The following GALNTL5 variants were observed in gnomAD, a reference collection of about 807,000 sequenced individuals.
The protein encoded by GALNTL5 is polypeptide N-acetylgalactosaminyltransferase like 5.
In GALNTL5, 44 loss-of-function variants were observed where a neutral mutation model predicts 51.0. That is an observed-to-expected ratio of 0.86 (90% CI 0.68 to 1.11). GALNTL5 has a LOEUF of 1.11. Ranked by LOEUF, GALNTL5 falls within the 50% of genes least tolerant of loss-of-function variation. The probability of loss-of-function intolerance (pLI) is 0.00; values close to 1 mark genes in which losing one functional copy is unlikely to be tolerated. For synonymous variants in GALNTL5, 192 were observed against 182.8 expected (o/e 1.05, Z -0.41); for missense variants, 528 against 531.8 (o/e 0.99, Z 0.07).
intron 5 of GALNTL5, 91 bp from the exon 6 acceptor site, chr7:152,002,623 T>C: frequency 7.2e-7 from 1 of 1,391,890 alleles, no homozygotes; most frequent in South Asian, 1.3e-5. Context: ...TAGTAAATGC[T>C]CAAGAAATAT....
intron 4 of GALNTL5, among the ~76,000 whole-genome samples, chr7:151,986,227 A>G (rs1192006992): frequency 6.6e-6 from 1 of 152,232 alleles, no homozygotes; most frequent in Non-Finnish European, 1.5e-5. Context: ...GAAAAATTAG[A>G]AGCACAGATA....
intron 5 of GALNTL5, among the ~76,000 whole-genome samples, chr7:151,992,607 C>T (rs1316916436): frequency 6.6e-6 from 1 of 152,164 alleles, no homozygotes. Flanking sequence ...ACTCCAGTCA[C>T]ATTGAATGAA....
chr7:151,959,138 C>T (rs2080961803), intron 1 of GALNTL5, among the ~76,000 whole-genome samples: 1 of 152,168 alleles, frequency 6.6e-6, no homozygotes. Flanking sequence ...ACCTGCCCCT[C>T]TCTGCCTAGG....
At chr7:151,991,741 TAAG>T (rs1381979177) in intron 5 of GALNTL5, among the ~76,000 whole-genome samples, 2 of 152,230 alleles carry the variant, frequency 1.3e-5, no homozygotes, top group Non-Finnish European at 2.9e-5. Context: ...ATTTTCTTGA[TAAG>T]AAGATTTGTA....
intron 2 of GALNTL5, 129 bp downstream of exon 2, chr7:151,967,622 T>TCTTAAA: frequency 1.5e-6 from 1 of 650,254 alleles, no homozygotes; most frequent in Non-Finnish European, 2.5e-6. Flanking sequence ...TTATTTTATA[T>TCTTAAA]AGTGTATATA....
At chr7:151,967,615 T>C (rs529125412) in intron 2 of GALNTL5, 122 bp downstream of exon 2, 2 of 706,010 alleles carry the variant, frequency 2.8e-6, no homozygotes, top group South Asian at 4.2e-5. Context: ...ATATAAATTA[T>C]TTTATATAGT....
chr7:151,959,166 T>C (rs1264076811), intron 1 of GALNTL5, among the ~76,000 whole-genome samples: 1 of 152,202 alleles, frequency 6.6e-6, no homozygotes, highest in East Asian at 1.9e-4. Flanking sequence ...CTGTCTCCTG[T>C]TGCTATCACT....
chr7:152,003,000 C>A (rs778606980), intron 6 of GALNTL5, 37 bp downstream of exon 6: 38 of 1,584,178 alleles, frequency 2.4e-5, no homozygotes, highest in Non-Finnish European at 3.1e-5. Context: ...ATATAGCATA[C>A]GTGTATTGAG....
intron 1 of GALNTL5, among the ~76,000 whole-genome samples, chr7:151,965,764 G>C (rs1052821993): frequency 4.6e-5 from 7 of 152,098 alleles, no homozygotes; most frequent in African/African-American, 1.7e-4. Flanking sequence ...GCATGTGCCT[G>C]TGGTCTCAGC....
intron 1 of GALNTL5, among the ~76,000 whole-genome samples, chr7:151,963,573 T>C (rs1322498427): frequency 6.6e-6 from 1 of 152,150 alleles, no homozygotes; most frequent in Non-Finnish European, 1.5e-5. Context: ...AATCTTTGTA[T>C]TTTTAGTAGA....
chr7:151,993,446 T>C (rs895069251), intron 5 of GALNTL5, among the ~76,000 whole-genome samples: 1 of 152,160 alleles, frequency 6.6e-6, no homozygotes, highest in Non-Finnish European at 1.5e-5. Flanking sequence ...ATTTCCTCTT[T>C]AATCCACATT....
intron 1 of GALNTL5, chr7:151,960,557 G>T (rs919336415): frequency 1.4e-4 from 22 of 152,406 alleles, no homozygotes; most frequent in African/African-American, 4.3e-4. Context: ...ACACTGCAAG[G>T]CAGGGACACA....
intron 1 of GALNTL5, among the ~76,000 whole-genome samples, chr7:151,960,890 C>G (rs1280713364): frequency 6.6e-6 from 1 of 152,176 alleles, no homozygotes; most frequent in Non-Finnish European, 1.5e-5. Flanking sequence ...GTTCAAGTCT[C>G]TTTGAGGGGA....
At chr7:152,017,620 T>C (rs1035876690) in intron 8 of GALNTL5, among the ~76,000 whole-genome samples, 12 of 152,102 alleles carry the variant, frequency 7.9e-5, no homozygotes, top group Non-Finnish European at 4.4e-5. Context: ...GTAATCAAGA[T>C]AGAATGTAAA....
chr7:151,982,784 A>G, intron 3 of GALNTL5: 8 of 1,121,050 alleles, frequency 7.1e-6, no homozygotes, highest in African/African-American at 3.1e-5. Flanking sequence ...GAAGGGGGAA[A>G]TTATTCAGAA....
At chr7:152,013,324 G>A (rs1047135605) in intron 7 of GALNTL5, among the ~76,000 whole-genome samples, 1 of 151,466 alleles carries the variant, frequency 6.6e-6, no homozygotes, top group African/African-American at 2.4e-5. Flanking sequence ...GCCTGCACAT[G>A]TACCCTTGAA....
intron 4 of GALNTL5, among the ~76,000 whole-genome samples, chr7:151,983,419 CTGT>C (rs1479864906): frequency 1.3e-5 from 2 of 152,156 alleles, no homozygotes; most frequent in African/African-American, 4.8e-5. Context: ...CTCAAGTGAT[CTGT>C]CCGCCTCAGC....
chr7:151,961,358 C>T (rs938406047), intron 1 of GALNTL5, among the ~76,000 whole-genome samples: 80 of 151,826 alleles, frequency 5.3e-4, no homozygotes, highest in African/African-American at 1.8e-3. Flanking sequence ...AATACAAAAA[C>T]TAGCCGGGTG....
At chr7:151,962,336 A>AT (rs898704437) in intron 1 of GALNTL5, among the ~76,000 whole-genome samples, 1 of 150,224 alleles carries the variant, frequency 6.7e-6, no homozygotes, top group East Asian at 2.0e-4. Context: ...TTAGACTTCT[A>AT]TTTTTTTAAT....
Sources: allele counts gnomAD v4.1 joint callset (sites outside exome capture counted in the v4.1 genomes callset), GRCh38; gene constraint gnomAD v4.1.1; transcripts MANE v1.5; gene names NCBI Gene and HGNC (gene_info 2026-07-23, HGNC 2026-07-21).